Variants in HCN1 observed in about 807,000 individuals in gnomAD.
HCN1 encodes the protein hyperpolarization activated cyclic nucleotide gated potassium channel 1.
HCN1 carries 13 observed loss-of-function variants against 78.9 expected under a neutral mutation model. The observed-to-expected ratio is 0.16, with a 90% CI of 0.11 to 0.26. The LOEUF is 0.26. Among genes scored for constraint, HCN1 ranks in the 10% least tolerant of loss-of-function variants. The pLI, the probability that HCN1 is intolerant of heterozygous loss-of-function variation, is 1.00. For synonymous variants in HCN1, 552 were observed against 455.5 expected (o/e 1.21, Z -2.70); for missense variants, 810 against 1,154.3 (o/e 0.70, Z 4.32).
intron 1 of HCN1, among the ~76,000 whole-genome samples, chr5:45,648,302 A>G (rs939701498): frequency 2.0e-5 from 3 of 152,208 alleles, no homozygotes; most frequent in African/African-American, 7.2e-5. Flanking sequence ...AGCAATAGAG[A>G]TGAAAAGAAA....
intron 4 of HCN1, among the ~76,000 whole-genome samples, chr5:45,364,070 C>T (rs1747181798): frequency 6.6e-6 from 1 of 152,084 alleles, no homozygotes; most frequent in Non-Finnish European, 1.5e-5. Context: ...TGAGCCCTTC[C>T]TCCTAAGACA....
At chr5:45,291,791 A>C (rs963193536) in intron 6 of HCN1, among the ~76,000 whole-genome samples, 7 of 152,090 alleles carry the variant, frequency 4.6e-5, no homozygotes, top group African/African-American at 1.7e-4. Flanking sequence ...TTGTACCCCA[A>C]AGTGCCGGGA....
At chr5:45,330,376 T>A (rs1326798439) in intron 5 of HCN1, among the ~76,000 whole-genome samples, 1 of 151,166 alleles carries the variant, frequency 6.6e-6, no homozygotes, top group African/African-American at 2.4e-5. Flanking sequence ...AACCTTATTT[T>A]TGTATGACAA....
intron 4 of HCN1, among the ~76,000 whole-genome samples, chr5:45,394,631 T>C (rs1739649523): frequency 2.6e-5 from 4 of 152,054 alleles, no homozygotes; most frequent in Non-Finnish European, 5.9e-5. Context: ...CAGAACTTGG[T>C]TTGTAGACCT....
At chr5:45,627,299 G>A (rs1176133279) in intron 2 of HCN1, among the ~76,000 whole-genome samples, 2 of 152,078 alleles carry the variant, frequency 1.3e-5, no homozygotes, top group Non-Finnish European at 2.9e-5. Context: ...CAGGAATGTT[G>A]CCTCTTACTA....
chr5:45,453,972 C>T (rs931064496), intron 3 of HCN1, among the ~76,000 whole-genome samples: 3 of 151,990 alleles, frequency 2.0e-5, no homozygotes, highest in Non-Finnish European at 4.4e-5. Context: ...GCTTCTTCTG[C>T]TATTTGTTGC....
rs1173788110 is a variant in HCN1, at chr5:45,262,593, C to T, written c.2001G>A (p.Val667=). 4 of 1,613,922 alleles carry T rather than the reference C, an allele frequency of 2.5e-6. No homozygotes were observed. Among genetic ancestry groups the T allele is most frequent in the Non-Finnish European group, 3.4e-6 (4 of 1,180,012 alleles). The stretch of plus-strand genomic sequence containing the variant: ...TGTGAGACAGGCTGGTCGCTGTGTA[C>T]ACCGGTGGAGATTGTGTCCTCATGC... The part of the protein sequence containing the change: ...TSRMRTQSPP[V]YTATSLSHSN... The change falls in exon 8 of 8, where the codon GTG becomes GTA. Residue 667 remains valine, a synonymous_variant. Transcript: ENST00000303230.
At chr5:45,354,760 A>G (rs1285916628) in intron 4 of HCN1, among the ~76,000 whole-genome samples, 1 of 152,010 alleles carries the variant, frequency 6.6e-6, no homozygotes, top group Non-Finnish European at 1.5e-5. Context: ...GCCTATGTAC[A>G]TCTCTCTGAA....
At chr5:45,664,446 T>A (rs1745991097) in intron 1 of HCN1, among the ~76,000 whole-genome samples, 2 of 143,004 alleles carry the variant, frequency 1.4e-5, no homozygotes, top group African/African-American at 2.6e-5. Flanking sequence ...ACCCTAAAAC[T>A]TAAAGTATAA....
At chr5:45,425,795 G>A (rs1252563944) in intron 3 of HCN1, among the ~76,000 whole-genome samples, 1 of 152,156 alleles carries the variant, frequency 6.6e-6, no homozygotes, top group African/African-American at 2.4e-5. Context: ...CGACAGAAGA[G>A]TGTGATACGG....
chr5:45,329,754 C>T (rs947556414), intron 5 of HCN1, among the ~76,000 whole-genome samples: 1 of 151,300 alleles, frequency 6.6e-6, no homozygotes, highest in Non-Finnish European at 1.5e-5. Context: ...CATATTTCCA[C>T]CAGAATCTAA....
chr5:45,288,261 C>T lies in HCN1; in HGVS notation c.1618+15338G>A, dbSNP rs367549794. ...AATCATCACAAATCTCACCTACCTC[C>T]ATTTCTTTTTAAATTGCTAAGTGCT... On this transcript the variant is annotated intron_variant, in intron 6 of 7. Coordinates refer to ENST00000303230, the MANE Select transcript of HCN1 (RefSeq NM_021072.4). Among the ~76,000 whole-genome samples the T allele has an allele frequency of 5.9e-5, 9 of 152,158 alleles. No individual in the cohort carries two copies. The East Asian group carries it at 9.7e-4, about 16-fold the overall frequency.
chr5:45,448,124 A>G (rs1032305328), intron 3 of HCN1, among the ~76,000 whole-genome samples: 15 of 152,108 alleles, frequency 9.9e-5, no homozygotes, highest in African/African-American at 3.6e-4. Context: ...TTGGTACAGA[A>G]TCTCACTTTG....
intron 1 of HCN1, among the ~76,000 whole-genome samples, chr5:45,661,300 A>G (rs1462429687): frequency 7.4e-6 from 1 of 134,414 alleles, no homozygotes; most frequent in African/African-American, 2.8e-5. Context: ...GACGCATTCA[A>G]AGCAGTGTGT....
intron 2 of HCN1, among the ~76,000 whole-genome samples, chr5:45,487,228 G>T (rs554730639): frequency 1.3e-5 from 2 of 152,056 alleles, no homozygotes; most frequent in African/African-American, 2.4e-5. Flanking sequence ...AAATGTTTTT[G>T]ATTAATATAC....
chr5:45,651,267 T>A (rs373134890), intron 1 of HCN1, among the ~76,000 whole-genome samples: 1 of 151,978 alleles, frequency 6.6e-6, no homozygotes, highest in East Asian at 1.9e-4. Flanking sequence ...TAACTTCTCA[T>A]GAAATATAGC....
intron 4 of HCN1, among the ~76,000 whole-genome samples, chr5:45,360,078 T>G (rs925873990): frequency 1.3e-5 from 2 of 151,026 alleles, no homozygotes; most frequent in Non-Finnish European, 3.0e-5. Flanking sequence ...TGATAAATAA[T>G]AAATAATAAA....
intron 3 of HCN1, among the ~76,000 whole-genome samples, chr5:45,453,365 G>T (rs1013756328): frequency 2.6e-5 from 4 of 151,976 alleles, no homozygotes; most frequent in African/African-American, 9.7e-5. Flanking sequence ...AAATATATGA[G>T]GAGTTCAGAA....
intron 2 of HCN1, 80 bp from the exon 3 acceptor site, chr5:45,462,087 T>C (rs1425280863): frequency 2.8e-6 from 3 of 1,059,186 alleles, no homozygotes; most frequent in Middle Eastern, 2.0e-4. Context: ...TAGGCATTGA[T>C]GTTGTGTAGC....
Sources: allele counts gnomAD v4.1 joint callset (sites outside exome capture counted in the v4.1 genomes callset), GRCh38; gene constraint gnomAD v4.1.1; transcripts MANE v1.5; gene names NCBI Gene and HGNC (gene_info 2026-07-23, HGNC 2026-07-21).